RBFOX1: variants seen among roughly 807,000 people sequenced by gnomAD.
RBFOX1 encodes RNA binding fox-1 homolog 1, also known as RNA binding protein fox-1 homolog 1.
In RBFOX1, 8 loss-of-function variants were observed where a neutral mutation model predicts 57.7. The observed-to-expected ratio is 0.14, with a 90% CI of 0.08 to 0.25. RBFOX1 has a LOEUF of 0.25. Ranked by LOEUF, RBFOX1 falls within the 10% of genes least tolerant of loss-of-function variation. The pLI, the probability that RBFOX1 is intolerant of heterozygous loss-of-function variation, is 1.00. For missense variants in RBFOX1, 611 were observed against 548.5 expected, an observed-to-expected ratio of 1.11 and a Z score of -1.14; for synonymous variants, 326 against 222.4, an observed-to-expected ratio of 1.47 and a Z score of -4.15.
intron 1 of RBFOX1, among the ~76,000 whole-genome samples, chr16:5,338,994 T>A (rs1309547304): frequency 6.6e-6 from 1 of 152,208 alleles, no homozygotes; most frequent in Non-Finnish European, 1.5e-5. Context: ...GTTCCACATA[T>A]AAATTACCTC....
chr16:6,271,098 C>T (rs1014577617), intron 1 of RBFOX1, among the ~76,000 whole-genome samples: 7 of 152,110 alleles, frequency 4.6e-5, no homozygotes, highest in African/African-American at 1.7e-4. Context: ...GGAAAAGCTT[C>T]AAATCACTAA....
intron 2 of RBFOX1, among the ~76,000 whole-genome samples, chr16:6,392,351 C>T (rs536469098): frequency 1.8e-4 from 27 of 152,244 alleles, no homozygotes; most frequent in South Asian, 1.0e-3. Context: ...TTGTTTGTCT[C>T]CTGGACCATA....
intron 3 of RBFOX1, among the ~76,000 whole-genome samples, chr16:5,700,089 C>T (rs1435311183): frequency 6.6e-6 from 1 of 152,172 alleles, no homozygotes; most frequent in Non-Finnish European, 1.5e-5. Context: ...GCCTTGGCCT[C>T]CCAAAGTGCT....
At chr16:6,946,392 A>G (rs1313970656) in intron 3 of RBFOX1, among the ~76,000 whole-genome samples, 1 of 152,198 alleles carries the variant, frequency 6.6e-6, no homozygotes, top group East Asian at 1.9e-4. Flanking sequence ...TCTGTGCCAT[A>G]AAGCAAGCTC....
intron 3 of RBFOX1, among the ~76,000 whole-genome samples, chr16:5,804,769 C>G (rs557833655): frequency 6.6e-6 from 1 of 152,282 alleles, no homozygotes; most frequent in African/African-American, 2.4e-5. Flanking sequence ...TGAGTCCTAC[C>G]ACGCTCACCT....
chr16:7,342,261 A>T (rs1044295665), intron 4 of RBFOX1, among the ~76,000 whole-genome samples: 1 of 152,126 alleles, frequency 6.6e-6, no homozygotes, highest in African/African-American at 2.4e-5. Flanking sequence ...AGGCCTTTGC[A>T]GTGTAGTCAT....
At chr16:7,611,175 C>T (rs778518022) in intron 10 of RBFOX1, among the ~76,000 whole-genome samples, 1 of 152,188 alleles carries the variant, frequency 6.6e-6, no homozygotes, top group Non-Finnish European at 1.5e-5. Context: ...CAGAATGAGG[C>T]ATGAAAAGTT....
chr16:7,681,490 T>A (rs181798228), intron 14 of RBFOX1, among the ~76,000 whole-genome samples: 1 of 152,278 alleles, frequency 6.6e-6, no homozygotes, highest in African/African-American at 2.4e-5. Flanking sequence ...GATTAAGTAG[T>A]AGAGAAAGGC....
chr16:5,251,220 A>G (rs547070556), intron 1 of RBFOX1, among the ~76,000 whole-genome samples: 8 of 152,302 alleles, frequency 5.3e-5, no homozygotes, highest in African/African-American at 1.9e-4. Flanking sequence ...ATTCCTGGCA[A>G]TGTTACTGCA....
intron 1 of RBFOX1, among the ~76,000 whole-genome samples, chr16:5,394,077 G>T (rs1172255793): frequency 2.0e-5 from 3 of 151,802 alleles, no homozygotes; most frequent in Non-Finnish European, 4.4e-5. Flanking sequence ...ATGTTGGAGT[G>T]CAGTGCTGTG....
chr16:6,256,147 A>G (rs377068377), intron 1 of RBFOX1, among the ~76,000 whole-genome samples: 10,636 of 35,386 alleles, frequency 0.3, 3,152 homozygotes, highest in South Asian at 0.41. Flanking sequence ...ATGTGTGTAT[A>G]TATATATATA....
intron 2 of RBFOX1, among the ~76,000 whole-genome samples, chr16:5,581,549 G>T (rs967962740): frequency 1.1e-4 from 16 of 152,208 alleles, no homozygotes. Context: ...GGGCTAATGG[G>T]CATGATGCTG....
intron 1 of RBFOX1, among the ~76,000 whole-genome samples, chr16:6,282,692 C>T (rs930680627): frequency 2.0e-5 from 3 of 152,094 alleles, no homozygotes; most frequent in Non-Finnish European, 2.9e-5. Context: ...CAGCTTCATC[C>T]ATGTCCCTCC....
chr16:6,417,009 T>C (rs985321522), intron 2 of RBFOX1, among the ~76,000 whole-genome samples: 1 of 152,088 alleles, frequency 6.6e-6, no homozygotes, highest in Non-Finnish European at 1.5e-5. Context: ...ATCATTCCTC[T>C]TTCTTTCTTT....
In RBFOX1 at chr16:6,377,577, G is replaced by A. The variant is rs546810680; in HGVS notation, c.-64+60520G>A. On this transcript the variant is annotated intron_variant, in intron 2 of 15. Transcript: ENST00000550418. ...ATCAAGAACAACATGCACTTCAGTG[G>A]AATTTGGGAAGGGTCAGGGTCTGTG... Among the ~76,000 whole-genome samples the A allele has an allele frequency of 2.5e-3, 387 of 152,244 alleles. 2 individuals carry two copies. The highest frequency in any genetic ancestry group is 3.7e-3 in the Non-Finnish European group (254 of 68,022).
chr16:7,700,011 G>A (rs1425194618), intron 14 of RBFOX1, among the ~76,000 whole-genome samples: 6 of 152,050 alleles, frequency 3.9e-5, no homozygotes. Flanking sequence ...TGGGTGTGTT[G>A]GTGCTGTAGA....
rs560597108 is a variant in RBFOX1 at position 6,829,712 on chromosome 16, C to T, written c.-16+175062C>T. ...CGTCTCCTGGGTTCAAGAGATTCTT[C>T]TGTCTCAGCCTCCTGAGTAGCTGGA... On this transcript the variant is annotated intron_variant, in intron 3 of 15. Coordinates refer to ENST00000550418, the MANE Select transcript of RBFOX1 (RefSeq NM_018723.4). Among the ~76,000 whole-genome samples, 499 of 152,158 alleles carry T rather than the reference C, an allele frequency of 3.3e-3. 3 individuals are homozygous for T. Among genetic ancestry groups the T allele is most frequent in the African/African-American group, 0.011 (476 of 41,544 alleles).
chr16:7,185,683 T>C (rs956603095), intron 4 of RBFOX1, among the ~76,000 whole-genome samples: 6 of 152,218 alleles, frequency 3.9e-5, no homozygotes, highest in African/African-American at 1.4e-4. Flanking sequence ...TTATGCGGTT[T>C]ATCTTCAAAG....
intron 4 of RBFOX1, among the ~76,000 whole-genome samples, chr16:7,406,370 C>G (rs1011397410): frequency 6.6e-6 from 1 of 152,164 alleles, no homozygotes; most frequent in African/African-American, 2.4e-5. Context: ...AGGCCCAGAG[C>G]TCTTGCTTTC....
Sources: allele counts gnomAD v4.1 joint callset (sites outside exome capture counted in the v4.1 genomes callset), GRCh38; gene constraint gnomAD v4.1.1; transcripts MANE v1.5; gene names NCBI Gene and HGNC (gene_info 2026-07-23, HGNC 2026-07-21).